STMN4: variants seen among roughly 807,000 people sequenced by gnomAD.
STMN4 encodes the protein stathmin-4.
In STMN4, 12 loss-of-function variants were observed where a neutral mutation model predicts 29.1. The observed-to-expected ratio is 0.41, with a 90% CI of 0.26 to 0.67. STMN4 has a LOEUF of 0.67. Among genes scored for constraint, STMN4 ranks in the 30% least tolerant of loss-of-function variants. STMN4 has a pLI of 0.30. For missense variants in STMN4, 181 were observed against 262.8 expected, an observed-to-expected ratio of 0.69 and a Z score of 2.15; for synonymous variants, 114 against 105.3, an observed-to-expected ratio of 1.08 and a Z score of -0.51.
intron 1 of STMN4, among the ~76,000 whole-genome samples, chr8:27,244,559 G>A (rs940933857): frequency 3.9e-5 from 6 of 152,154 alleles, no homozygotes; most frequent in Admixed American, 2.6e-4. Context: ...TTGCCAGGGA[G>A]CCTGGGAGGT....
intron 6 of STMN4, 42 bp from the exon 7 acceptor site, chr8:27,236,947 G>GC: frequency 6.3e-7 from 1 of 1,581,610 alleles, no homozygotes; most frequent in Admixed American, 1.9e-5. Context: ...ACACAAGGCT[G>GC]CCCGGGGACA....
rs1435053490 is a variant in STMN4 at position 27,235,994 on chromosome 8, T to C, written c.*852A>G. 1 of 152,258 alleles carries C rather than the reference T, an allele frequency of 6.6e-6. No individual in the cohort carries two copies. The highest frequency in any genetic ancestry group is 6.5e-5 in the Admixed American group (1 of 15,282). 9.4% of individuals were successfully genotyped at this position (152,258 alleles called of 1,614,324 possible). A position where few individuals can be genotyped will look rare whatever the true frequency, so the allele number is the denominator to read the frequency against. ...GACAAATTCCTTCTTACAGTGCATC[T>C]TGGGGACCATATTAGGATGTCAGTT... is the stretch of plus-strand genomic sequence containing the variant. On this transcript the variant is annotated 3_prime_UTR_variant, in exon 7 of 7. Coordinates refer to ENST00000350889, the MANE Select transcript of STMN4 (RefSeq NM_030795.4).
chr8:27,239,097 C>CA, intron 6 of STMN4: 1 of 1,137,226 alleles, frequency 8.8e-7, no homozygotes, highest in South Asian at 1.7e-5. Context: ...CTGCCTCGTG[C>CA]TGGCCAGCTC....
chr8:27,245,173 A>T (rs894151167), intron 1 of STMN4, among the ~76,000 whole-genome samples: 1 of 152,230 alleles, frequency 6.6e-6, no homozygotes, highest in African/African-American at 2.4e-5. Flanking sequence ...AGAGCTGTAC[A>T]AATTAAATGA....
intron 1 of STMN4, among the ~76,000 whole-genome samples, chr8:27,253,829 GT>G (rs962817593): frequency 6.6e-6 from 1 of 151,148 alleles, no homozygotes. Context: ...GTCACCCAGG[GT>G]GGAGTTCAGT....
At position 27,241,682 on chromosome 8, in the gene STMN4, G is replaced by A. The variant is rs2130070109; in HGVS notation, c.185C>T (p.Ala62Val). 1 of 1,614,094 alleles carries A rather than the reference G, an allele frequency of 6.2e-7. No homozygotes were observed. The highest frequency in any genetic ancestry group is 2.2e-5 in the East Asian group (1 of 44,880). The part of the protein sequence containing the change: ...KDSADWRERR[A>V]QADTVDLNWC... ...CTCCGCTGCCTCCCTCCTACCCTGAGCTCTTCTTTCTCTCCAGTCAGCACT... is the reference window on the plus strand; with the variant it reads ...CTCCGCTGCCTCCCTCCTACCCTGAACTCTTCTTTCTCTCCAGTCAGCACT... Residue 62 changes from alanine (A) to valine (V), a missense_variant, in exon 4 of 7, where the codon GCT (alanine) becomes GTT (valine). By Grantham distance (64) the Ala-to-Val change is moderately conservative (BLOSUM62 0). Transcript: ENST00000350889.
At chr8:27,251,505 T>C (rs1422054671) in intron 1 of STMN4, among the ~76,000 whole-genome samples, 1 of 151,904 alleles carries the variant, frequency 6.6e-6, no homozygotes, top group Non-Finnish European at 1.5e-5. Context: ...CAAGCCCTTT[T>C]AATCTTACTC....
chr8:27,250,966 C>T (rs142652216), intron 1 of STMN4, among the ~76,000 whole-genome samples: 35 of 152,194 alleles, frequency 2.3e-4, no homozygotes, highest in African/African-American at 7.9e-4. Context: ...TATGCAGAAG[C>T]GGCTGAGTGC....
intron 6 of STMN4, chr8:27,239,525 T>C: frequency 1.4e-6 from 1 of 710,114 alleles, no homozygotes; most frequent in African/African-American, 1.8e-5. Context: ...TTAGAGAGAA[T>C]CATGTTTCCT....
chr8:27,236,949 C>T (rs1369553849), intron 6 of STMN4, 44 bp from the exon 7 acceptor site: 1 of 1,578,854 alleles, frequency 6.3e-7, no homozygotes, highest in South Asian at 1.2e-5. Context: ...ACAAGGCTGC[C>T]CGGGGACAAA....
intron 6 of STMN4, chr8:27,239,172 G>T: frequency 6.6e-7 from 1 of 1,518,680 alleles, no homozygotes; most frequent in Non-Finnish European, 8.8e-7. Context: ...CTGTTGCCAA[G>T]GGCCTGAGAC....
chr8:27,258,130 A>G lies in STMN4; in HGVS notation c.-79+221T>C, dbSNP rs1026052449. On this transcript the variant is annotated intron_variant, in intron 1 of 6. Transcript: ENST00000350889. ...CCATCCTGCCTCTCCTGAGCTCTGG[A>G]ATAAAAGTGGCACCCGGAGCCCACC... 2.0e-5 allele frequency among the ~76,000 whole-genome samples: 3 copies of G among 152,084 alleles called. No individual in the cohort carries two copies. The East Asian group carries it at 5.8e-4, about 29-fold the overall frequency.
chr8:27,257,884 G>C (rs771752397), intron 1 of STMN4, among the ~76,000 whole-genome samples: 8 of 152,150 alleles, frequency 5.3e-5, no homozygotes, highest in Non-Finnish European at 8.8e-5. Flanking sequence ...CCCGTGCATA[G>C]AGCCGAAGGA....
chr8:27,251,042 T>A (rs1041623931), intron 1 of STMN4, among the ~76,000 whole-genome samples: 4 of 151,712 alleles, frequency 2.6e-5, no homozygotes, highest in African/African-American at 9.7e-5. Context: ...AGGTCAGGAG[T>A]TCGAGACCAG....
intron 2 of STMN4, among the ~76,000 whole-genome samples, chr8:27,243,492 AC>A (rs1032239639): frequency 1.1e-4 from 17 of 150,594 alleles, no homozygotes; most frequent in South Asian, 2.1e-4. Context: ...GCTGTGACAC[AC>A]CCCCCACCAC....
intron 1 of STMN4, among the ~76,000 whole-genome samples, chr8:27,248,028 A>T (rs1801678349): frequency 6.6e-6 from 1 of 152,198 alleles, no homozygotes; most frequent in African/African-American, 2.4e-5. Flanking sequence ...TCAATGTGGC[A>T]GTCATTCAGC....
At chr8:27,240,514 C>T (rs1342597300) in intron 5 of STMN4, among the ~76,000 whole-genome samples, 2 of 152,204 alleles carry the variant, frequency 1.3e-5, no homozygotes, top group African/African-American at 4.8e-5. Context: ...GACATATATA[C>T]ATCACTAAAA....
intron 1 of STMN4, among the ~76,000 whole-genome samples, chr8:27,248,228 TTTA>T (rs1801684891): frequency 1.3e-5 from 2 of 151,932 alleles, no homozygotes; most frequent in South Asian, 4.2e-4. Context: ...TATTTATTTA[TTTA>T]TTTATTTATT....
intron 2 of STMN4, among the ~76,000 whole-genome samples, chr8:27,242,989 C>T (rs946585278): frequency 6.6e-6 from 1 of 152,176 alleles, no homozygotes; most frequent in East Asian, 1.9e-4. Flanking sequence ...CTCACAAGGT[C>T]AGGCTATAAG....
Sources: allele counts gnomAD v4.1 joint callset (sites outside exome capture counted in the v4.1 genomes callset), GRCh38; gene constraint gnomAD v4.1.1; transcripts MANE v1.5; gene names NCBI Gene and HGNC (gene_info 2026-07-23, HGNC 2026-07-21).